FAM107B: variants seen among roughly 807,000 people sequenced by gnomAD.
The protein encoded by FAM107B is protein FAM107B.
In FAM107B, 21 loss-of-function variants were observed where a neutral mutation model predicts 31.5. The ratio of observed to expected loss-of-function variants is 0.67; its 90% CI spans 0.47 to 0.96. FAM107B has a LOEUF of 0.96. FAM107B is among the 40% of genes least tolerant of loss of function. The pLI is 0.00. For synonymous variants in FAM107B, 157 were observed against 141.5 expected (o/e 1.11, Z -0.78); for missense variants, 452 against 377.1 (o/e 1.20, Z -1.64).
At chr10:14,616,665 G>A (rs1327448474) in intron 2 of FAM107B, among the ~76,000 whole-genome samples, 2 of 152,230 alleles carry the variant, frequency 1.3e-5, no homozygotes, top group Non-Finnish European at 2.9e-5. Context: ...GCTTATGCCT[G>A]TAATCCCAGC....
In FAM107B at chr10:14,756,147, CA is replaced by C. The variant is rs145690249; in HGVS notation, c.411+18105del. 4.6e-3 allele frequency among the ~76,000 whole-genome samples: 698 copies of C among 152,202 alleles called. 4 individuals are homozygous for C. Among genetic ancestry groups the C allele is most frequent in the African/African-American group, 0.016 (651 of 41,524 alleles). ...AAGGATGGATCAATAAAATCAAAATCAGGGGGAGCTTTATGGTATAGTGCCT... is the reference window on the plus strand; with the variant it reads ...AAGGATGGATCAATAAAATCAAAATCGGGGGAGCTTTATGGTATAGTGCCT... On this transcript the variant is annotated intron_variant, in intron 1 of 4. Coordinates refer to ENST00000181796, the MANE Select transcript of FAM107B (RefSeq NM_031453.4).
intron 2 of FAM107B, among the ~76,000 whole-genome samples, chr10:14,617,902 G>A (rs976098173): frequency 2.0e-5 from 3 of 152,264 alleles, no homozygotes; most frequent in South Asian, 2.1e-4. Context: ...GTTTACAGGC[G>A]TGAAGCACCA....
chr10:14,643,674 T>G (rs946774454), intron 2 of FAM107B, among the ~76,000 whole-genome samples: 6 of 152,116 alleles, frequency 3.9e-5, no homozygotes, highest in Middle Eastern at 3.2e-3. Flanking sequence ...CCTCCCAAAG[T>G]GCTGGGATTA....
rs189889828 is a variant in FAM107B, at chr10:14,625,363, A to T, written c.469+42271T>A. On this transcript the variant is annotated intron_variant, in intron 2 of 4. Transcript: ENST00000181796. ...TTGTCTCAGAGTCATCCTTCGTTTC[A>T]TCTTCTTTGACTCTCTGATGACGCC... is the stretch of plus-strand genomic sequence containing the variant. Among the ~76,000 whole-genome samples, 5 of 151,860 alleles carry T rather than the reference A, an allele frequency of 3.3e-5. No homozygotes were observed. The East Asian group carries it at 9.7e-4, about 29-fold the overall frequency.
intron 2 of FAM107B, among the ~76,000 whole-genome samples, chr10:14,556,810 G>C (rs1455097724): frequency 3.3e-5 from 5 of 152,258 alleles, no homozygotes; most frequent in African/African-American, 9.6e-5. Context: ...CCCCCCATGG[G>C]ATTGTCAGGG....
intron 2 of FAM107B, among the ~76,000 whole-genome samples, chr10:14,623,929 A>G (rs1322840428): frequency 1.3e-5 from 2 of 152,200 alleles, no homozygotes; most frequent in Non-Finnish European, 2.9e-5. Context: ...TGTCAAACTC[A>G]TCTTTCTCAA....
At chr10:14,773,285 G>A (rs1833346949) in intron 1 of FAM107B, among the ~76,000 whole-genome samples, 1 of 152,182 alleles carries the variant, frequency 6.6e-6, no homozygotes, top group Non-Finnish European at 1.5e-5. Flanking sequence ...GGTTGGCTGT[G>A]TTCTTGCTAA....
At chr10:14,671,890 A>AAC (rs1178811129) in intron 1 of FAM107B, among the ~76,000 whole-genome samples, 1 of 149,504 alleles carries the variant, frequency 6.7e-6, no homozygotes, top group African/African-American at 2.5e-5. Context: ...AAAAACAAAA[A>AAC]AACAAAAAAA....
In FAM107B at chr10:14,575,203, G is replaced by GT. The variant is rs907330451; in HGVS notation, c.470-44689dup. ...GGATCACACGCTAAAGAAGCTTTTT[G>GT]TTTTTTTGTTTTTTTTTTGAGATGG... On this transcript the variant is annotated intron_variant, in intron 2 of 4. Coordinates refer to ENST00000181796, the MANE Select transcript of FAM107B (RefSeq NM_031453.4). 1.2e-4 allele frequency among the ~76,000 whole-genome samples: 16 copies of GT among 128,604 alleles called. No homozygotes were observed. In the East Asian group the frequency reaches 3.8e-3, roughly 30 times the overall value. The allele number at this position is 128,604 out of a possible 152,430, so 84.4% of individuals were successfully genotyped here. A position where few individuals can be genotyped will look rare whatever the true frequency, so the allele number is the denominator to read the frequency against.
At chr10:14,624,309 G>T (rs530422718) in intron 2 of FAM107B, among the ~76,000 whole-genome samples, 133 of 152,278 alleles carry the variant, frequency 8.7e-4, no homozygotes, top group Middle Eastern at 3.4e-3. Context: ...AGAAGAAATG[G>T]CCAAGCCAGT....
chr10:14,534,485 C>T (rs1006362041), intron 2 of FAM107B, among the ~76,000 whole-genome samples: 4 of 152,318 alleles, frequency 2.6e-5, no homozygotes, highest in Admixed American at 1.3e-4. Flanking sequence ...AAATACAACT[C>T]TGGTATAAGG....
intron 2 of FAM107B, chr10:14,604,202 G>A (rs1852509115): frequency 3.1e-6 from 3 of 978,924 alleles, no homozygotes; most frequent in African/African-American, 3.5e-5. Flanking sequence ...CGCGCCCCTC[G>A]TCTTTGTGTG....
At chr10:14,527,648 A>C (rs1230440045) in intron 3 of FAM107B, among the ~76,000 whole-genome samples, 1 of 152,264 alleles carries the variant, frequency 6.6e-6, no homozygotes, top group African/African-American at 2.4e-5. Context: ...GATAACACAC[A>C]CTGGGCTATT....
At chr10:14,675,810 A>AC (rs1019626662) in intron 1 of FAM107B, among the ~76,000 whole-genome samples, 2 of 151,946 alleles carry the variant, frequency 1.3e-5, no homozygotes, top group East Asian at 1.9e-4. Context: ...ATTCAAAATT[A>AC]CCCCCCAGAA....
chr10:14,700,876 A>C (rs11259285), intron 1 of FAM107B, among the ~76,000 whole-genome samples: 77,895 of 138,310 alleles, frequency 0.56, 22,811 homozygotes, highest in South Asian at 0.66. Flanking sequence ...GTGCAAAAGT[A>C]GAGCTATGCT....
intron 2 of FAM107B, among the ~76,000 whole-genome samples, chr10:14,659,909 T>G (rs572945673): frequency 6.6e-6 from 1 of 152,354 alleles, no homozygotes; most frequent in South Asian, 2.1e-4. Flanking sequence ...AATACTTATT[T>G]TTTTTTCTCA....
intron 2 of FAM107B, among the ~76,000 whole-genome samples, chr10:14,629,184 G>GTA (rs1853252165): frequency 2.3e-5 from 3 of 130,788 alleles, no homozygotes; most frequent in Non-Finnish European, 1.6e-5. Flanking sequence ...GACATAAAAA[G>GTA]TATATATATA....
At chr10:14,754,155 T>A (rs1398128931) in intron 1 of FAM107B, among the ~76,000 whole-genome samples, 3 of 152,136 alleles carry the variant, frequency 2.0e-5, no homozygotes, top group Non-Finnish European at 4.4e-5. Context: ...GCCAGACTGG[T>A]CTCAAACTCC....
intron 2 of FAM107B, among the ~76,000 whole-genome samples, chr10:14,655,577 A>G (rs1854028105): frequency 1.3e-5 from 2 of 152,182 alleles, no homozygotes; most frequent in Non-Finnish European, 2.9e-5. Context: ...AAAATATGTT[A>G]TGGTTGTGTT....
Sources: allele counts gnomAD v4.1 joint callset (sites outside exome capture counted in the v4.1 genomes callset), GRCh38; gene constraint gnomAD v4.1.1; transcripts MANE v1.5; gene names NCBI Gene and HGNC (gene_info 2026-07-23, HGNC 2026-07-21).